Variants in ITSN1 observed in about 807,000 individuals in gnomAD.
ITSN1 encodes intersectin-1.
ITSN1 carries 58 observed loss-of-function variants against 239.8 expected under a neutral mutation model. The ratio of observed to expected loss-of-function variants is 0.24; its 90% CI spans 0.20 to 0.30. The LOEUF is 0.30. Among genes scored for constraint, ITSN1 ranks in the 10% least tolerant of loss-of-function variants. The probability of loss-of-function intolerance (pLI) is 1.00; values close to 1 mark genes in which losing one functional copy is unlikely to be tolerated. For synonymous variants in ITSN1, 780 were observed against 770.8 expected (o/e 1.01, Z -0.20); for missense variants, 1,558 against 2,103.3 (o/e 0.74, Z 5.07).
intron 29 of ITSN1, chr21:33,838,462 C>T: frequency 1.0e-6 from 1 of 981,562 alleles, no homozygotes; most frequent in Non-Finnish European, 1.2e-6. Context: ...TGAATTAGTT[C>T]CGTGTATAGA....
intron 5 of ITSN1, among the ~76,000 whole-genome samples, chr21:33,748,633 A>T (rs1336775880): frequency 6.6e-6 from 1 of 152,000 alleles, no homozygotes. Context: ...TGAGCCCAGA[A>T]GTTCGAGACG....
At chr21:33,741,515 A>C (rs1198252835) in intron 5 of ITSN1, among the ~76,000 whole-genome samples, 1 of 150,844 alleles carries the variant, frequency 6.6e-6, no homozygotes, top group African/African-American at 2.5e-5. Context: ...GATGACTATA[A>C]TTATAAACTT....
rs371458272 is a variant in ITSN1 at position 33,863,184 on chromosome 21, G to A, written c.3891-1967G>A. ...AGACCCATGACTGAATCTAATAGGT[G>A]CCTAGTCCATAGTAAATCAGGCTTT... On this transcript the variant is annotated intron_variant, in intron 31 of 39. Transcript: ENST00000381318. 8.2e-4 allele frequency among the ~76,000 whole-genome samples: 125 copies of A among 152,304 alleles called. 3 individuals are homozygous for A. The South Asian group carries it at 0.023, about 29-fold the overall frequency.
rs7277191 is a variant in ITSN1, at chr21:33,762,360, G to A, written c.788+374G>A. 1.9e-3 allele frequency among the ~76,000 whole-genome samples: 284 copies of A among 151,086 alleles called. 1 individual carries two copies. Among genetic ancestry groups the A allele is most frequent in the African/African-American group, 6.7e-3 (277 of 41,132 alleles). The stretch of plus-strand genomic sequence containing the variant: ...CGGCTCACCGCAACCTCCACCTCCC[G>A]GGTTCAAGCGATTCTCCTGCCTCAG... On this transcript the variant is annotated intron_variant, in intron 9 of 39. Coordinates refer to ENST00000381318, the MANE Select transcript of ITSN1 (RefSeq NM_003024.3).
intron 31 of ITSN1, among the ~76,000 whole-genome samples, chr21:33,859,319 G>A (rs963870869): frequency 1.3e-5 from 2 of 152,206 alleles, no homozygotes; most frequent in Admixed American, 6.5e-5. Flanking sequence ...TCCAGGGCCA[G>A]GAGTCAAGAG....
intron 1 of ITSN1, among the ~76,000 whole-genome samples, chr21:33,678,833 C>A (rs1436689132): frequency 6.6e-6 from 1 of 152,146 alleles, no homozygotes; most frequent in Non-Finnish European, 1.5e-5. Context: ...CCTGCCTCAG[C>A]CACCTGAGTA....
In ITSN1 at chr21:33,816,829, A is replaced by T. The variant is rs187941162; in HGVS notation, c.2728-1438A>T. Among the ~76,000 whole-genome samples, 42 of 152,270 alleles carry T rather than the reference A, an allele frequency of 2.8e-4. 1 individual carries two copies. The highest frequency in any genetic ancestry group is 2.6e-3 in the Admixed American group (40 of 15,298). On this transcript the variant is annotated intron_variant, in intron 22 of 39. Coordinates refer to ENST00000381318, the MANE Select transcript of ITSN1 (RefSeq NM_003024.3). The stretch of plus-strand genomic sequence containing the variant: ...GAATATACAATCTTAGGGGTGTTCG[A>T]AATCCAGGGAAACCCCCTCAGCTCT...
intron 25 of ITSN1, 64 bp downstream of exon 25, chr21:33,823,717 G>C: frequency 6.8e-7 from 1 of 1,474,164 alleles, no homozygotes; most frequent in Non-Finnish European, 9.3e-7. Context: ...GGGGAGTCAC[G>C]ATGTTTGACA....
At chr21:33,762,045 G>A in intron 9 of ITSN1, 59 bp downstream of exon 9, 2 of 1,249,048 alleles carry the variant, frequency 1.6e-6, no homozygotes, top group South Asian at 2.4e-5. Flanking sequence ...GATTGGTGTG[G>A]CCTCATGGGT....
chr21:33,805,746 C>A (rs936226490), intron 20 of ITSN1, among the ~76,000 whole-genome samples: 1 of 151,198 alleles, frequency 6.6e-6, no homozygotes, highest in Non-Finnish European at 1.5e-5. Flanking sequence ...ATCTCGGTTC[C>A]CTGCAAGCTC....
intron 5 of ITSN1, among the ~76,000 whole-genome samples, chr21:33,748,710 A>G (rs1272778151): frequency 1.3e-5 from 2 of 151,488 alleles, no homozygotes; most frequent in Non-Finnish European, 2.9e-5. Flanking sequence ...ACGTATATAT[A>G]TATATGAAAC....
chr21:33,755,539 A>G, intron 8 of ITSN1, 142 bp downstream of exon 8: 1 of 580,602 alleles, frequency 1.7e-6, no homozygotes, highest in South Asian at 2.2e-5. Flanking sequence ...TCATGTTCTT[A>G]TCCACTGATA....
At chr21:33,726,239 C>T (rs2065826244) in intron 4 of ITSN1, among the ~76,000 whole-genome samples, 1 of 152,180 alleles carries the variant, frequency 6.6e-6, no homozygotes, top group African/African-American at 2.4e-5. Context: ...AGTGATCTGC[C>T]TGCCTCGGCC....
intron 26 of ITSN1, 139 bp from the exon 27 acceptor site, chr21:33,829,485 T>A (rs1264843501): frequency 2.3e-6 from 2 of 871,872 alleles, no homozygotes; most frequent in Non-Finnish European, 3.5e-6. Flanking sequence ...CAGGGAGCCT[T>A]ACTCGTTGGG....
intron 2 of ITSN1, among the ~76,000 whole-genome samples, chr21:33,720,103 A>G (rs1334826773): frequency 6.6e-6 from 1 of 152,132 alleles, no homozygotes; most frequent in Non-Finnish European, 1.5e-5. Flanking sequence ...AGTTACAGGG[A>G]TGAATTCTGA....
At chr21:33,681,884 G>T (rs984146851) in intron 1 of ITSN1, among the ~76,000 whole-genome samples, 2 of 151,668 alleles carry the variant, frequency 1.3e-5, no homozygotes, top group African/African-American at 4.8e-5. Flanking sequence ...TAACCAGGGT[G>T]GTCTTGATCT....
At chr21:33,670,244 A>C (rs9981693) in intron 1 of ITSN1, among the ~76,000 whole-genome samples, 1 of 151,828 alleles carries the variant, frequency 6.6e-6, no homozygotes, top group African/African-American at 2.4e-5. Flanking sequence ...GGTTCCAGCT[A>C]TGTGGGAGGC....
rs767115453 is a variant in ITSN1 at position 33,797,544 on chromosome 21, T to C, written c.2118T>C (p.Gly706=). The C allele has an allele frequency of 6.2e-7, 1 of 1,614,030 alleles. No homozygotes were observed. Among genetic ancestry groups the C allele is most frequent in the East Asian group, 2.2e-5 (1 of 44,866 alleles). ...KGKQEAQDKL[G]RLFHQHQEPA... ...AACAGGAAGCACAAGACAAGCTGGGTCGGCTTTTCCATCAACACCAAGAAC... is the reference window on the plus strand; with the variant it reads ...AACAGGAAGCACAAGACAAGCTGGGCCGGCTTTTCCATCAACACCAAGAAC... The change falls in exon 18 of 40, where the codon GGT becomes GGC. Residue 706 remains glycine, a synonymous_variant. Coordinates refer to ENST00000381318, the MANE Select transcript of ITSN1 (RefSeq NM_003024.3). The surrounding 1 kb of genome is among the most constrained non-coding windows in gnomAD (Gnocchi z 4.9).
intron 29 of ITSN1, among the ~76,000 whole-genome samples, chr21:33,839,379 T>G (rs2074746321): frequency 6.7e-6 from 1 of 148,558 alleles, no homozygotes; most frequent in African/African-American, 2.5e-5. Context: ...CTTCAGGGGG[T>G]GGGGCGGGGA....
Sources: allele counts gnomAD v4.1 joint callset (sites outside exome capture counted in the v4.1 genomes callset), GRCh38; gene constraint gnomAD v4.1.1; non-coding constraint Gnocchi (gnomAD v3.1); transcripts MANE v1.5; gene names NCBI Gene and HGNC (gene_info 2026-07-23, HGNC 2026-07-21).